TPD52L1: variants seen among roughly 807,000 people sequenced by gnomAD.
TPD52L1 encodes the protein tumor protein D53.
A neutral mutation model predicts 28.7 loss-of-function variants in TPD52L1; 18 were observed. That is an observed-to-expected ratio of 0.63 (90% CI 0.43 to 0.93). The LOEUF (loss-of-function observed/expected upper bound fraction) is 0.93, where lower values mean the gene tolerates loss of function less well. Ranked by LOEUF, TPD52L1 falls within the 40% of genes least tolerant of loss-of-function variation. TPD52L1 has a pLI of 0.00. For synonymous variants in TPD52L1, 75 were observed against 88.8 expected, an observed-to-expected ratio of 0.84 and a Z score of 0.88; for missense variants, 203 against 254.8, an observed-to-expected ratio of 0.80 and a Z score of 1.39.
At chr6:125,204,312 A>C (rs1022062722) in intron 1 of TPD52L1, among the ~76,000 whole-genome samples, 2 of 152,088 alleles carry the variant, frequency 1.3e-5, no homozygotes, top group Non-Finnish European at 2.9e-5. Flanking sequence ...ACAAAAATGG[A>C]GTGATGGTTC....
intron 1 of TPD52L1, among the ~76,000 whole-genome samples, chr6:125,177,052 A>G (rs1791867134): frequency 6.6e-6 from 1 of 152,116 alleles, no homozygotes; most frequent in South Asian, 2.1e-4. Flanking sequence ...ATAAATAAAT[A>G]AATGTAAAAA....
rs199925644 is a variant in TPD52L1 at position 125,262,835 on chromosome 6, C to T, written c.488C>T (p.Thr163Met). Residue 163 changes from threonine (T) to methionine (M), a missense_variant and splice_region_variant, in exon 7 of 7, where the codon ACG becomes ATG. Physicochemically the swap from Thr to Met is moderately conservative, Grantham distance 81. Transcript: ENST00000534000. ...TTTTTGTGGATCTGCTCATTTCAGA[C>T]GAAAGTAGGCGGTACGAACCCTAAT... ...RVETTVTSLKTKVGGTNPNGG... is the reference protein window; with the variant it reads ...RVETTVTSLKMKVGGTNPNGG... 1.2e-4 allele frequency: 189 copies of T among 1,610,246 alleles called. No individual in the cohort carries two copies. Among genetic ancestry groups the T allele is most frequent in the Middle Eastern group, 1.7e-4 (1 of 6,060 alleles).
chr6:125,214,239 C>T (rs1420492147), intron 1 of TPD52L1, among the ~76,000 whole-genome samples: 1 of 152,164 alleles, frequency 6.6e-6, no homozygotes, highest in African/African-American at 2.4e-5. Context: ...TAGGTCATCT[C>T]CTGGGCACAG....
chr6:125,261,833 T>TCATAAAC (rs1798076847), intron 6 of TPD52L1: 1 of 152,166 alleles, frequency 6.6e-6, no homozygotes. Flanking sequence ...GAAAAAAGCC[T>TCATAAAC]CATAAACCAT....
intron 1 of TPD52L1, among the ~76,000 whole-genome samples, chr6:125,203,055 T>C (rs763197161): frequency 2.6e-5 from 4 of 152,158 alleles, no homozygotes; most frequent in Non-Finnish European, 5.9e-5. Flanking sequence ...AGGTTTGGCT[T>C]CCTTTTCCCA....
At chr6:125,254,026 C>T in intron 5 of TPD52L1, 1 of 618,948 alleles carries the variant, frequency 1.6e-6, no homozygotes, top group Non-Finnish European at 3.0e-6. Context: ...ATAAGACCTA[C>T]TTCATATGGT....
At chr6:125,214,463 G>A (rs778316532) in intron 1 of TPD52L1, 40 of 984,160 alleles carry the variant, frequency 4.1e-5, no homozygotes, top group Non-Finnish European at 3.3e-5. Flanking sequence ...ATACCTCCTC[G>A]GTAAGTCCTA....
intron 1 of TPD52L1, among the ~76,000 whole-genome samples, chr6:125,203,270 T>C (rs1582919473): frequency 6.6e-6 from 1 of 152,320 alleles, no homozygotes; most frequent in East Asian, 1.9e-4. Flanking sequence ...CTGGAGCCTA[T>C]CCATCAGGAA....
intron 1 of TPD52L1, among the ~76,000 whole-genome samples, chr6:125,155,617 A>G (rs572448596): frequency 7.1e-4 from 108 of 152,374 alleles, no homozygotes; most frequent in African/African-American, 2.5e-3. Flanking sequence ...CAGTAGAGGA[A>G]GAGACAAATA....
chr6:125,155,011 G>T (rs376961657), intron 1 of TPD52L1, among the ~76,000 whole-genome samples: 2 of 152,172 alleles, frequency 1.3e-5, no homozygotes, highest in African/African-American at 4.8e-5. Context: ...GTGGGTTGGC[G>T]ATTGCGTGGG....
At chr6:125,257,229 TTTAAAG>T in intron 6 of TPD52L1, 71 bp downstream of exon 6, 1 of 1,394,650 alleles carries the variant, frequency 7.2e-7, no homozygotes, top group Non-Finnish European at 1.0e-6. Flanking sequence ...CTGCGGTTAG[TTTAAAG>T]TCGAGGCAGG....
chr6:125,258,998 T>C (rs772432266), intron 6 of TPD52L1, among the ~76,000 whole-genome samples: 77 of 152,130 alleles, frequency 5.1e-4, no homozygotes, highest in Non-Finnish European at 9.0e-4. Context: ...TTCTCTGTCC[T>C]TTTTTTTCCC....
intron 1 of TPD52L1, chr6:125,154,625 T>A: frequency 1.3e-6 from 1 of 760,118 alleles, no homozygotes; most frequent in Non-Finnish European, 1.6e-6. Flanking sequence ...CGGGGCTGCC[T>A]GCTGGAGGAG....
intron 1 of TPD52L1, among the ~76,000 whole-genome samples, chr6:125,172,511 GCT>G (rs1491417261): frequency 1.0e-3 from 14 of 13,638 alleles, no homozygotes; most frequent in African/African-American, 1.9e-3. Context: ...CCTCTTTCAT[GCT>G]ATATATATAT....
intron 2 of TPD52L1, among the ~76,000 whole-genome samples, chr6:125,223,047 G>C (rs1385078176): frequency 3.3e-5 from 5 of 152,104 alleles, no homozygotes; most frequent in Admixed American, 6.6e-5. Flanking sequence ...CATTCCTTTA[G>C]AGTCTGTGTT....
At chr6:125,256,573 A>G (rs1001799417) in intron 5 of TPD52L1, among the ~76,000 whole-genome samples, 3 of 152,244 alleles carry the variant, frequency 2.0e-5, no homozygotes, top group African/African-American at 7.2e-5. Flanking sequence ...GGCATGGAAA[A>G]GAAAAAATAT....
Position 125,253,876 on chromosome 6 carries a change from A to G in TPD52L1, c.425+121A>G, listed in dbSNP as rs757919647. On this transcript the variant is annotated intron_variant, in intron 5 of 6. Transcript: ENST00000534000. ...TGAAAGGAAATTGCTGATGGTCTTC[A>G]AAAGAAAAGGCTGACAATTCTGTGG... 94 of 971,420 alleles carry G rather than the reference A, an allele frequency of 9.7e-5. 1 individual carries two copies. The East Asian group carries it at 2.1e-3, about 22-fold the overall frequency. 60.2% of individuals were successfully genotyped at this position (971,420 alleles called of 1,614,324 possible). A position where few individuals can be genotyped will look rare whatever the true frequency, so the allele number is the denominator to read the frequency against.
chr6:125,167,299 T>C (rs1387090808), intron 1 of TPD52L1, among the ~76,000 whole-genome samples: 1 of 152,132 alleles, frequency 6.6e-6, no homozygotes, highest in Non-Finnish European at 1.5e-5. Context: ...CAAAGTGGCA[T>C]ATTTTGGGGT....
In TPD52L1 at chr6:125,184,955, CAT is replaced by C. The variant is rs549418108; in HGVS notation, c.19+30986_19+30987del. 4.9e-3 allele frequency among the ~76,000 whole-genome samples: 487 copies of C among 99,614 alleles called. 2 individuals carry two copies. The highest frequency in any genetic ancestry group is 0.019 in the Middle Eastern group (4 of 210). 65.4% of individuals were successfully genotyped at this position (99,614 alleles called of 152,430 possible). ...TGTGTTGGATCAAAATAAAAGCACA[CAT>C]GAGTTGCTTACAAAAACTATAAGCA... On this transcript the variant is annotated intron_variant, in intron 1 of 6. Coordinates refer to ENST00000534000, the MANE Select transcript of TPD52L1 (RefSeq NM_003287.4).
Sources: gnomAD v4.1 joint callset for allele counts (sites outside exome capture counted in the v4.1 genomes callset) on GRCh38, gnomAD v4.1.1 for gene constraint, MANE v1.5 for transcripts, NCBI Gene and HGNC (gene_info 2026-07-23, HGNC 2026-07-21) for gene names.